PATJ: variants seen among roughly 807,000 people sequenced by gnomAD.
PATJ encodes inaD-like protein.
A neutral mutation model predicts 224.9 loss-of-function variants in PATJ; 190 were observed. The ratio of observed to expected loss-of-function variants is 0.84; its 90% confidence interval spans 0.75 to 0.95. PATJ has a LOEUF of 0.95. PATJ is among the 40% of genes least tolerant of loss of function. The pLI is 0.00. For missense variants in PATJ, 2,121 were observed against 2,270.3 expected, an observed-to-expected ratio of 0.93 and a Z score of 1.34; for synonymous variants, 769 against 820.3, an observed-to-expected ratio of 0.94 and a Z score of 1.07.
At chr1:62,078,620 A>G (rs912496416) in intron 31 of PATJ, among the ~76,000 whole-genome samples, 13 of 151,844 alleles carry the variant, frequency 8.6e-5, no homozygotes, top group Admixed American at 2.0e-4. Flanking sequence ...CATTGGAGGT[A>G]CTGTCAGCAA....
intron 35 of PATJ, 89 bp downstream of exon 35, chr1:62,114,335 G>A: frequency 9.1e-7 from 1 of 1,104,580 alleles, no homozygotes; most frequent in Non-Finnish European, 1.3e-6. Flanking sequence ...CTAATGTAAA[G>A]TAGTGATGGG....
chr1:61,927,869 A>C (rs2149289454), intron 27 of PATJ, 40 bp downstream of exon 27: 1 of 1,343,424 alleles, frequency 7.4e-7, no homozygotes, highest in East Asian at 2.3e-5. Context: ...TGCAGAACTT[A>C]TTAAATTATG....
chr1:61,884,386 T>C lies in PATJ; in HGVS notation c.3109T>C (p.Ser1037Pro). Residue 1037 changes from serine to proline, a missense_variant, in exon 22 of 44, where the codon TCT (serine) becomes CCT (proline). Physicochemically the swap from Ser to Pro is moderately conservative, Grantham distance 74 (BLOSUM62 -1). Transcript: ENST00000642238. Reference protein sequence around the residue: ...KASAYTGMLSSRYATDTCELP... With the variant: ...KASAYTGMLSPRYATDTCELP... ...CTCAGCATACACAGGAATGTTGTCT[T>C]CTAGATATGCCACTGATACATGGTA... The C allele has an allele frequency of 6.2e-7, 1 of 1,606,916 alleles. No individual in the cohort carries two copies. The highest frequency in any genetic ancestry group is 8.5e-7 in the Non-Finnish European group (1 of 1,177,108).
At chr1:61,864,980 A>G (rs1021402563) in intron 20 of PATJ, among the ~76,000 whole-genome samples, 8 of 151,810 alleles carry the variant, frequency 5.3e-5, no homozygotes, top group South Asian at 2.1e-4. Context: ...ACAGCTGTAT[A>G]TTTTTCACAT....
At chr1:62,118,493 T>C (rs995412904) in intron 37 of PATJ, among the ~76,000 whole-genome samples, 9 of 151,980 alleles carry the variant, frequency 5.9e-5, no homozygotes, top group African/African-American at 2.2e-4. Flanking sequence ...ACAGGGAAAA[T>C]AGCATACACA....
At chr1:62,005,622 G>A (rs947071307) in intron 28 of PATJ, among the ~76,000 whole-genome samples, 3 of 152,168 alleles carry the variant, frequency 2.0e-5, no homozygotes, top group Admixed American at 2.0e-4. Context: ...GCCAGGCGTG[G>A]TGGCACACAC....
At chr1:62,005,142 A>G (rs1646013033) in intron 28 of PATJ, among the ~76,000 whole-genome samples, 1 of 146,002 alleles carries the variant, frequency 6.8e-6, no homozygotes, top group Admixed American at 6.9e-5. Context: ...ATTTTTTAGG[A>G]TTTTTTTTTT....
Position 61,908,467 on chromosome 1 carries a change from G to A in PATJ, c.3477G>A (p.Leu1159=), listed in dbSNP as rs760176070. The A allele has an allele frequency of 8.1e-5, 131 of 1,610,768 alleles. No individual in the cohort carries two copies. The highest frequency in any genetic ancestry group is 1.1e-4 in the Non-Finnish European group (125 of 1,177,086). ...CTGTGGTGTTCATTGTTCAGAGTTTGTCATCCACTCCACGAGTAAGTTTTA... is the reference window on the plus strand; with the variant it reads ...CTGTGGTGTTCATTGTTCAGAGTTTATCATCCACTCCACGAGTAAGTTTTA... ...GNPVVFIVQS[L]SSTPRVIPNV... The change falls in exon 25 of 44, where the codon TTG becomes TTA. Residue 1159 remains leucine, a synonymous_variant. Transcript: ENST00000642238.
At chr1:61,925,792 C>T (rs770787998) in intron 26 of PATJ, among the ~76,000 whole-genome samples, 2 of 152,052 alleles carry the variant, frequency 1.3e-5, no homozygotes, top group Non-Finnish European at 2.9e-5. Flanking sequence ...AGATGGTAAG[C>T]CTGGTTCAGA....
At position 62,069,493 on chromosome 1, in the gene PATJ, T is replaced by C. The variant is rs538032780; in HGVS notation, c.4126-9957T>C. On this transcript the variant is annotated intron_variant, in intron 31 of 43. Transcript: ENST00000642238. ...TCAGGAGATTTTAGCTGTCATAATTTTCATCATCATCACGTACCAGCTCCA... is the reference window on the plus strand; with the variant it reads ...TCAGGAGATTTTAGCTGTCATAATTCTCATCATCATCACGTACCAGCTCCA... 8.5e-5 allele frequency among the ~76,000 whole-genome samples: 13 copies of C among 152,284 alleles called. 1 individual carries two copies. In the South Asian group the frequency reaches 2.7e-3, roughly 32 times the overall value.
chr1:62,100,041 A>G (rs184654023), intron 33 of PATJ, among the ~76,000 whole-genome samples: 1 of 152,338 alleles, frequency 6.6e-6, no homozygotes, highest in East Asian at 1.9e-4. Flanking sequence ...TTTTCCAACA[A>G]TTCAGAATTT....
In PATJ at chr1:62,020,428, GA is replaced by G. The variant is rs1415750648; in HGVS notation, c.3959+2483del. On this transcript the variant is annotated intron_variant, in intron 29 of 43. Coordinates refer to ENST00000642238, the MANE Select transcript of PATJ (RefSeq NM_001350145.3). ...TTTTAAAGAGAGCAAAAAGAAAATT[GA>G]ATAGAGTCCAAAGGAAATAATGTAA... Among the ~76,000 whole-genome samples the G allele has an allele frequency of 2.0e-5, 3 of 152,244 alleles. No homozygotes were observed. In the East Asian group the frequency reaches 5.8e-4, roughly 29 times the overall value.
At chr1:61,822,898 G>A (rs749153352) in intron 14 of PATJ, 47 bp from the exon 15 acceptor site, 19 of 1,607,782 alleles carry the variant, frequency 1.2e-5, no homozygotes, top group Middle Eastern at 1.6e-4. Flanking sequence ...ATGAATAGCC[G>A]GATGTGTCAT....
rs1294390413 is a variant in PATJ, at chr1:62,163,042, CAGT to C, written c.*1990_*1992del. The C allele has an allele frequency of 4.5e-6, 1 of 220,924 alleles. No individual in the cohort carries two copies. The highest frequency in any genetic ancestry group is 9.5e-6 in the Non-Finnish European group (1 of 104,966). The allele number at this position is 220,924 out of a possible 1,614,324, so 13.7% of individuals were successfully genotyped here. On this transcript the variant is annotated 3_prime_UTR_variant, in exon 44 of 44. Coordinates refer to ENST00000642238, the MANE Select transcript of PATJ (RefSeq NM_001350145.3). ...ACAACACAATGCTGCAAATATTTCA[CAGT>C]AATTATCAAAATTTAATGGGCTCTA... is the stretch of plus-strand genomic sequence containing the variant.
At chr1:62,055,562 A>G (rs1337394534) in intron 31 of PATJ, among the ~76,000 whole-genome samples, 1 of 152,244 alleles carries the variant, frequency 6.6e-6, no homozygotes, top group Non-Finnish European at 1.5e-5. Context: ...ACAGTAAAGT[A>G]CTACTTAATC....
At chr1:61,757,019 T>C (rs1645684364) in intron 1 of PATJ, among the ~76,000 whole-genome samples, 1 of 152,006 alleles carries the variant, frequency 6.6e-6, no homozygotes, top group African/African-American at 2.4e-5. Flanking sequence ...TGCCTTATAG[T>C]ATAATTATCC....
At chr1:61,767,434 G>A (rs777020104) in intron 4 of PATJ, among the ~76,000 whole-genome samples, 38 of 152,124 alleles carry the variant, frequency 2.5e-4, no homozygotes, top group Non-Finnish European at 1.8e-4. Context: ...AGGTACCTAG[G>A]AGGCTGATGT....
In PATJ at chr1:62,106,158, G is replaced by GTATATATATATATATATATA. The variant is rs61653676; in HGVS notation, c.4378-2269_4378-2250dup. Among the ~76,000 whole-genome samples, 168 of 48,020 alleles carry GTATATATATATATATATATA rather than the reference G, an allele frequency of 3.5e-3. 5 individuals are homozygous for GTATATATATATATATATATA. Among genetic ancestry groups the GTATATATATATATATATATA allele is most frequent in the Non-Finnish European group, 4.9e-3 (112 of 22,786 alleles). 31.5% of individuals were successfully genotyped at this position (48,020 alleles called of 152,430 possible). A position where few individuals can be genotyped will look rare whatever the true frequency, so the allele number is the denominator to read the frequency against. ...TACATGTGTATATGTGTGTGTGTGT[G>GTATATATATATATATATATA]TATATATATATATATATATATATAT... is the stretch of plus-strand genomic sequence containing the variant. On this transcript the variant is annotated intron_variant, in intron 33 of 43. Coordinates refer to ENST00000642238, the MANE Select transcript of PATJ (RefSeq NM_001350145.3).
intron 30 of PATJ, among the ~76,000 whole-genome samples, chr1:62,048,403 G>T (rs1570317161): frequency 6.6e-6 from 1 of 151,850 alleles, no homozygotes; most frequent in African/African-American, 2.4e-5. Context: ...AAAATTAGCT[G>T]GGCCTGGTGG....
Sources: allele counts gnomAD v4.1 joint callset (sites outside exome capture counted in the v4.1 genomes callset), GRCh38; gene constraint gnomAD v4.1.1; transcripts MANE v1.5; gene names NCBI Gene and HGNC (gene_info 2026-07-23, HGNC 2026-07-21).